The following MGRN1 variants were observed in gnomAD, a reference collection of about 807,000 sequenced individuals.
MGRN1 encodes mahogunin ring finger 1.
A neutral mutation model predicts 69.2 loss-of-function variants in MGRN1; 29 were observed. That is an observed-to-expected ratio of 0.42 (90% CI 0.31 to 0.57). The LOEUF (loss-of-function observed/expected upper bound fraction) is 0.57, where lower values mean the gene tolerates loss of function less well. Among genes scored for constraint, MGRN1 ranks in the 20% least tolerant of loss-of-function variants. The probability of loss-of-function intolerance (pLI) is 0.15; values close to 1 mark genes in which losing one functional copy is unlikely to be tolerated. For missense variants in MGRN1, 998 were observed against 796.2 expected (o/e 1.25, Z -3.05); for synonymous variants, 470 against 344.2 (o/e 1.37, Z -4.04).
At position 4,683,860 on chromosome 16, in the gene MGRN1, A is replaced by G. The variant is rs754636969; in HGVS notation, c.1546A>G (p.Ile516Val). 20 of 1,551,584 alleles carry G rather than the reference A, an allele frequency of 1.3e-5. No homozygotes were observed. In the East Asian group the frequency reaches 3.7e-4, roughly 29 times the overall value. The change falls in exon 16 of 17, where the codon ATT becomes GTT. Residue 516 changes from isoleucine (I) to valine (V), a missense_variant. Physicochemically the swap from Ile to Val is conservative, Grantham distance 29 (BLOSUM62 3). Transcript: ENST00000262370. ...GCCTGCAGGGACCCGAGCAGCTTCC[A>G]TTGAGAATGTCCTGCAGGACAGCAG... ...SPQQGTRAASIENVLQDSSPE... is the reference protein window; with the variant it reads ...SPQQGTRAASVENVLQDSSPE...
chr16:4,627,040 C>G (rs1032180241), intron 1 of MGRN1, among the ~76,000 whole-genome samples: 1 of 152,152 alleles, frequency 6.6e-6, no homozygotes, highest in Non-Finnish European at 1.5e-5. Flanking sequence ...CACTGGTTTC[C>G]TAGACTCCCC....
At chr16:4,661,814 G>GCACAA (rs2078688592) in intron 5 of MGRN1, among the ~76,000 whole-genome samples, 1 of 152,230 alleles carries the variant, frequency 6.6e-6, no homozygotes, top group African/African-American at 2.4e-5. Flanking sequence ...GTGTGGACTT[G>GCACAA]GTCTCCAGGC....
intron 7 of MGRN1, among the ~76,000 whole-genome samples, chr16:4,667,285 G>C (rs374376897): frequency 6.6e-6 from 1 of 152,218 alleles, no homozygotes; most frequent in African/African-American, 2.4e-5. Flanking sequence ...CGGGGGTTCT[G>C]TTAGCTGGGT....
intron 16 of MGRN1, chr16:4,686,253 G>T (rs567726542): frequency 1.3e-6 from 2 of 1,542,924 alleles, no homozygotes; most frequent in South Asian, 2.4e-5. Context: ...CCCCCTCTCC[G>T]CGCAGCCCTG....
At chr16:4,657,124 C>T in intron 4 of MGRN1, 122 bp from the exon 5 acceptor site, 2 of 923,344 alleles carry the variant, frequency 2.2e-6, no homozygotes, top group Non-Finnish European at 3.4e-6. Flanking sequence ...TGCTGTTCCC[C>T]ATGAGAGAGG....
chr16:4,666,973 GC>G (rs1361425410), intron 7 of MGRN1, among the ~76,000 whole-genome samples: 1 of 152,172 alleles, frequency 6.6e-6, no homozygotes, highest in Non-Finnish European at 1.5e-5. Flanking sequence ...TGGGACGCAC[GC>G]TTGTTTGATA....
In MGRN1 at chr16:4,625,068, C is replaced by T; in HGVS notation, c.88+20C>T. ...AGTCCGGTGAGCGCCCGGCCCCAGGCGCGGACTGCTAGGCACGCGCTGGAA... is the reference window on the plus strand; with the variant it reads ...AGTCCGGTGAGCGCCCGGCCCCAGGTGCGGACTGCTAGGCACGCGCTGGAA... On this transcript the variant is annotated intron_variant, in intron 1 of 16. Transcript: ENST00000262370. 12 of 1,525,314 alleles carry T rather than the reference C, an allele frequency of 7.9e-6. No individual in the cohort carries two copies. Among genetic ancestry groups the T allele is most frequent in the Non-Finnish European group, 1.1e-5 (12 of 1,138,550 alleles). 94.5% of individuals were successfully genotyped at this position (1,525,314 alleles called of 1,614,324 possible).
chr16:4,664,474 A>G, intron 5 of MGRN1: 2 of 582,090 alleles, frequency 3.4e-6, no homozygotes, highest in Non-Finnish European at 6.2e-6. Flanking sequence ...TACTTTACTC[A>G]ACGCTGTTGA....
rs1596302780 is a variant in MGRN1, at chr16:4,668,371, TCA to T, written c.726+63_726+64del. 1.3e-5 allele frequency: 21 copies of T among 1,569,974 alleles called. No individual in the cohort carries two copies. In the East Asian group the frequency reaches 1.6e-4, roughly 12 times the overall value. ...TTAAAAGACACACATATACAATCAC[TCA>T]CACGCATACTCATACATAGACACAC... On this transcript the variant is annotated intron_variant, in intron 8 of 16. Coordinates refer to ENST00000262370, the MANE Select transcript of MGRN1 (RefSeq NM_015246.4).
intron 1 of MGRN1, among the ~76,000 whole-genome samples, chr16:4,637,827 C>T (rs988376172): frequency 6.6e-6 from 1 of 152,244 alleles, no homozygotes; most frequent in African/African-American, 2.4e-5. Context: ...TGCCAGTGTC[C>T]ACCTTAGGGC....
chr16:4,658,465 G>A (rs1488358529), intron 5 of MGRN1, among the ~76,000 whole-genome samples: 1 of 151,960 alleles, frequency 6.6e-6, no homozygotes. Context: ...GAATCCAGGA[G>A]GTGGAGCTTG....
At chr16:4,668,174 TG>T in intron 7 of MGRN1, 90 bp from the exon 8 acceptor site, 2 of 982,686 alleles carry the variant, frequency 2.0e-6, no homozygotes, top group African/African-American at 1.6e-5. Flanking sequence ...ATGGATTGGC[TG>T]GGGCAGGGTG....
In MGRN1 at chr16:4,688,129, C is replaced by G; in HGVS notation, c.1619-667C>G. On this transcript the variant is annotated intron_variant, in intron 16 of 16. Transcript: ENST00000262370. ...CCGGAGAGTGGGGCCTGGGCCGTGT[C>G]TGCTGGGAGCCATGTGTCAGGGCTG... 1.2e-5 allele frequency: 12 copies of G among 985,452 alleles called. No individual in the cohort carries two copies. In the East Asian group the frequency reaches 3.4e-4, roughly 28 times the overall value. The allele number at this position is 985,452 out of a possible 1,614,324, so 61.0% of individuals were successfully genotyped here.
rs1026942524 is a variant in MGRN1 at position 4,686,573 on chromosome 16, G to C, written c.1619-2223G>C. ...CCGGTCAGGCTCTTCTTCCAGCCTT[G>C]AGGGGCCCTGGAACAGTCCCAGCCC... is the stretch of plus-strand genomic sequence containing the variant. On this transcript the variant is annotated intron_variant, in intron 16 of 16. Coordinates refer to ENST00000262370, the MANE Select transcript of MGRN1 (RefSeq NM_015246.4). 2.9e-5 allele frequency: 38 copies of C among 1,314,150 alleles called. No homozygotes were observed. The Middle Eastern group carries it at 1.1e-3, about 39-fold the overall frequency. The allele number at this position is 1,314,150 out of a possible 1,614,324, so 81.4% of individuals were successfully genotyped here.
At chr16:4,660,014 G>T (rs1277647547) in intron 5 of MGRN1, among the ~76,000 whole-genome samples, 1 of 152,246 alleles carries the variant, frequency 6.6e-6, no homozygotes, top group Non-Finnish European at 1.5e-5. Context: ...AGGCCGCAGA[G>T]ACCTGGAGTA....
intron 1 of MGRN1, chr16:4,650,032 G>T: frequency 5.2e-6 from 1 of 191,374 alleles, no homozygotes; most frequent in South Asian, 8.0e-5. Flanking sequence ...GCTGGGCGCC[G>T]TGGCTCATAC....
chr16:4,632,898 C>T (rs1209747061), intron 1 of MGRN1, among the ~76,000 whole-genome samples: 3 of 152,010 alleles, frequency 2.0e-5, no homozygotes, highest in East Asian at 3.9e-4. Flanking sequence ...CCCTGGGCAA[C>T]ACGGCAAAAC....
chr16:4,679,989 G>C, intron 11 of MGRN1, 43 bp from the exon 12 acceptor site: 2 of 1,592,972 alleles, frequency 1.3e-6, no homozygotes, highest in East Asian at 2.3e-5. Flanking sequence ...CCAGGGCCGC[G>C]TGGGGGTGGT....
rs1898009156 is a variant in MGRN1, at chr16:4,631,705, AT to A, written c.88+6658del. On this transcript the variant is annotated intron_variant, in intron 1 of 16. Coordinates refer to ENST00000262370, the MANE Select transcript of MGRN1 (RefSeq NM_015246.4). ...GTTCTCTTTCAAAATTGTTTTGGTT[AT>A]GCTAAGTTCTTTGCATTTCCATATA... Among the ~76,000 whole-genome samples, 5 of 152,300 alleles carry A rather than the reference AT, an allele frequency of 3.3e-5. No individual in the cohort carries two copies. The South Asian group carries it at 1.0e-3, about 32-fold the overall frequency.
Sources: allele counts gnomAD v4.1 joint callset (sites outside exome capture counted in the v4.1 genomes callset), GRCh38; gene constraint gnomAD v4.1.1; transcripts MANE v1.5; gene names NCBI Gene and HGNC (gene_info 2026-07-23, HGNC 2026-07-21).